The following PRKCE variants were observed in gnomAD, a reference collection of about 807,000 sequenced individuals.
PRKCE encodes protein kinase C epsilon.
Under a neutral mutation model 85.4 loss-of-function variants are expected in PRKCE, and 16 were observed. The ratio of observed to expected loss-of-function variants is 0.19; its 90% CI spans 0.13 to 0.28. The LOEUF (loss-of-function observed/expected upper bound fraction) is 0.28, where lower values mean the gene tolerates loss of function less well. Ranked by LOEUF, PRKCE falls within the 10% of genes least tolerant of loss-of-function variation. PRKCE has a pLI of 1.00. For missense variants in PRKCE, 573 were observed against 975.2 expected (o/e 0.59, Z 5.49); for synonymous variants, 388 against 371.5 (o/e 1.04, Z -0.51).
chr2:45,727,452 T>A (rs1208619819), intron 1 of PRKCE, among the ~76,000 whole-genome samples: 1 of 152,142 alleles, frequency 6.6e-6, no homozygotes, highest in Non-Finnish European at 1.5e-5. Flanking sequence ...AAACTCTGCC[T>A]AAAGGATAAG....
intron 2 of PRKCE, among the ~76,000 whole-genome samples, chr2:45,974,582 C>T (rs755900165): frequency 6.6e-5 from 10 of 152,172 alleles, no homozygotes; most frequent in Non-Finnish European, 1.2e-4. Flanking sequence ...TGGAAGCACA[C>T]GCTGCGCATT....
chr2:45,699,902 A>G (rs1034113722), intron 1 of PRKCE, among the ~76,000 whole-genome samples: 2 of 152,084 alleles, frequency 1.3e-5, no homozygotes, highest in East Asian at 3.9e-4. Context: ...CTCGTTTTGC[A>G]CACTGATGAG....
chr2:46,174,444 A>G (rs771061968), intron 14 of PRKCE, among the ~76,000 whole-genome samples: 3 of 152,236 alleles, frequency 2.0e-5, no homozygotes, highest in Middle Eastern at 3.2e-3. Flanking sequence ...TCGAATTAGT[A>G]GGCAACATTT....
At chr2:45,811,643 G>A (rs917401028) in intron 1 of PRKCE, among the ~76,000 whole-genome samples, 2 of 152,144 alleles carry the variant, frequency 1.3e-5, no homozygotes, top group Non-Finnish European at 2.9e-5. Context: ...AAACACTGAA[G>A]TTGATCTGAG....
rs549474553 is a variant in PRKCE at position 46,171,968 on chromosome 2, G to A, written c.2067+12216G>A. Among the ~76,000 whole-genome samples, 229 of 152,344 alleles carry A rather than the reference G, an allele frequency of 1.5e-3. 2 individuals carry two copies. Among genetic ancestry groups the A allele is most frequent in the African/African-American group, 5.2e-3 (217 of 41,576 alleles). On this transcript the variant is annotated intron_variant, in intron 14 of 14. Coordinates refer to ENST00000306156, the MANE Select transcript of PRKCE (RefSeq NM_005400.3). ...TAGGAGGGGACTAGCCTGGTTTGGG[G>A]ATCATTCCCCCAGGAAGAGGCATTT...
intron 10 of PRKCE, among the ~76,000 whole-genome samples, chr2:46,067,424 G>T (rs563193533): frequency 6.6e-6 from 1 of 152,342 alleles, no homozygotes; most frequent in Admixed American, 6.5e-5. Flanking sequence ...GGAAGGCAGA[G>T]GTGACAGGAG....
At chr2:45,921,568 G>T (rs1386494454) in intron 2 of PRKCE, among the ~76,000 whole-genome samples, 1 of 152,210 alleles carries the variant, frequency 6.6e-6, no homozygotes, top group Non-Finnish European at 1.5e-5. Context: ...TGGGTCACAT[G>T]CTCAAGGTCC....
chr2:45,936,632 C>T (rs979103295), intron 2 of PRKCE, among the ~76,000 whole-genome samples: 1 of 152,208 alleles, frequency 6.6e-6, no homozygotes, highest in African/African-American at 2.4e-5. Context: ...CCCACCAAGG[C>T]CGGAGGATGC....
At chr2:45,869,832 C>T (rs71422181) in intron 2 of PRKCE, among the ~76,000 whole-genome samples, 12,695 of 151,310 alleles carry the variant, frequency 0.084, 981 homozygotes, top group African/African-American at 0.2. Flanking sequence ...CTCAGCCTCC[C>T]GAGTAGCTGG....
At chr2:45,886,943 T>C (rs1403013073) in intron 2 of PRKCE, among the ~76,000 whole-genome samples, 1 of 152,228 alleles carries the variant, frequency 6.6e-6, no homozygotes, top group Non-Finnish European at 1.5e-5. Flanking sequence ...AGTTCTTTCC[T>C]ATCTTTGTGT....
chr2:45,752,353 C>A (rs1336690147), intron 1 of PRKCE, among the ~76,000 whole-genome samples: 1 of 152,166 alleles, frequency 6.6e-6, no homozygotes, highest in Admixed American at 6.5e-5. Flanking sequence ...TAAACCCCAG[C>A]AATCTGGCTT....
chr2:45,882,826 C>T (rs755216083), intron 2 of PRKCE, among the ~76,000 whole-genome samples: 4 of 152,232 alleles, frequency 2.6e-5, no homozygotes, highest in South Asian at 4.1e-4. Flanking sequence ...CCGAGTCTGC[C>T]GATTCCAGGG....
chr2:46,166,534 G>T (rs1382682888), intron 14 of PRKCE, among the ~76,000 whole-genome samples: 2 of 152,252 alleles, frequency 1.3e-5, no homozygotes, highest in African/African-American at 4.8e-5. Flanking sequence ...ACAGTGGACA[G>T]GATACTGGCT....
chr2:45,837,859 G>C (rs1691017432), intron 1 of PRKCE, among the ~76,000 whole-genome samples: 1 of 152,158 alleles, frequency 6.6e-6, no homozygotes, highest in African/African-American at 2.4e-5. Context: ...CACAGAGCGA[G>C]ACTCTGTCTC....
rs187865763 is a variant in PRKCE at position 46,039,920 on chromosome 2, C to G, written c.1437+29403C>G. ...TCCGCACCATCCTAGATTTATTTCTCTGCTACTGGGATGGATTGTGGTTGT... is the reference window on the plus strand; with the variant it reads ...TCCGCACCATCCTAGATTTATTTCTGTGCTACTGGGATGGATTGTGGTTGT... On this transcript the variant is annotated intron_variant, in intron 10 of 14. Coordinates refer to ENST00000306156, the MANE Select transcript of PRKCE (RefSeq NM_005400.3). 1.6e-3 allele frequency among the ~76,000 whole-genome samples: 238 copies of G among 152,310 alleles called. 1 individual carries two copies. The highest frequency in any genetic ancestry group is 2.7e-3 in the South Asian group (13 of 4,832).
intron 2 of PRKCE, among the ~76,000 whole-genome samples, chr2:45,947,869 C>A (rs766496911): frequency 3.9e-4 from 60 of 152,138 alleles, no homozygotes; most frequent in Non-Finnish European, 4.9e-4. Flanking sequence ...GTGTATATTT[C>A]TTTTATAACC....
intron 1 of PRKCE, among the ~76,000 whole-genome samples, chr2:45,660,827 A>C (rs959480671): frequency 2.6e-5 from 4 of 152,240 alleles, no homozygotes; most frequent in Non-Finnish European, 5.9e-5. Context: ...TTTCTGTCAG[A>C]AACCATGTGA....
chr2:45,826,420 A>G (rs976998230), intron 1 of PRKCE, among the ~76,000 whole-genome samples: 17 of 152,268 alleles, frequency 1.1e-4, no homozygotes, highest in African/African-American at 4.1e-4. Flanking sequence ...TAGAATAAAC[A>G]TAGACAGCAA....
At chr2:46,081,092 A>G (rs112557263) in intron 10 of PRKCE, among the ~76,000 whole-genome samples, 23 of 152,260 alleles carry the variant, frequency 1.5e-4, no homozygotes, top group African/African-American at 5.5e-4. Context: ...CCTGGGCTCA[A>G]GCAACCCTCC....
Sources: allele counts gnomAD v4.1 joint callset (sites outside exome capture counted in the v4.1 genomes callset), GRCh38; gene constraint gnomAD v4.1.1; transcripts MANE v1.5; gene names NCBI Gene and HGNC (gene_info 2026-07-23, HGNC 2026-07-21).